SKAP1: variants seen among roughly 807,000 people sequenced by gnomAD.
SKAP1 encodes src kinase-associated phosphoprotein 1.
Under a neutral mutation model 58.5 loss-of-function variants are expected in SKAP1, and 44 were observed. The observed-to-expected ratio is 0.75, with a 90% CI of 0.59 to 0.97. SKAP1 has a LOEUF of 0.97. Ranked by LOEUF, SKAP1 falls within the 50% of genes least tolerant of loss-of-function variation. The probability of loss-of-function intolerance (pLI) is 0.00; values close to 1 mark genes in which losing one functional copy is unlikely to be tolerated. For missense variants in SKAP1, 390 were observed against 435.2 expected, an observed-to-expected ratio of 0.90 and a Z score of 0.92; for synonymous variants, 127 against 149.7, an observed-to-expected ratio of 0.85 and a Z score of 1.11.
At chr17:48,310,120 A>G (rs2066203490) in intron 4 of SKAP1, among the ~76,000 whole-genome samples, 1 of 152,212 alleles carries the variant, frequency 6.6e-6, no homozygotes, top group African/African-American at 2.4e-5. Context: ...CTTTCACTAT[A>G]TTCTTAGCAA....
chr17:48,269,383 C>G (rs2065597952), intron 4 of SKAP1, among the ~76,000 whole-genome samples: 1 of 152,008 alleles, frequency 6.6e-6, no homozygotes, highest in Non-Finnish European at 1.5e-5. Flanking sequence ...TACTAGTCCA[C>G]TAGATACACT....
intron 4 of SKAP1, among the ~76,000 whole-genome samples, chr17:48,225,906 C>A (rs986283555): frequency 6.6e-6 from 1 of 152,190 alleles, no homozygotes; most frequent in Non-Finnish European, 1.5e-5. Flanking sequence ...AACGATTCAT[C>A]ATGCCAGGAG....
At chr17:48,273,137 G>T (rs1184421463) in intron 4 of SKAP1, among the ~76,000 whole-genome samples, 1 of 152,000 alleles carries the variant, frequency 6.6e-6, no homozygotes, top group African/African-American at 2.4e-5. Flanking sequence ...TCACTTTCCT[G>T]CCTAATCAGC....
At chr17:48,246,330 C>T (rs911935293) in intron 4 of SKAP1, among the ~76,000 whole-genome samples, 6 of 152,114 alleles carry the variant, frequency 3.9e-5, no homozygotes, top group Non-Finnish European at 7.4e-5. Flanking sequence ...CTTGTTAGAC[C>T]GGACTATTTG....
At chr17:48,165,890 CTAAT>C (rs1163521414) in intron 10 of SKAP1, among the ~76,000 whole-genome samples, 1 of 152,162 alleles carries the variant, frequency 6.6e-6, no homozygotes, top group Non-Finnish European at 1.5e-5. Context: ...ATTATTCCAT[CTAAT>C]TATTTTTTTT....
At chr17:48,231,014 T>C (rs893339824) in intron 4 of SKAP1, among the ~76,000 whole-genome samples, 1 of 152,190 alleles carries the variant, frequency 6.6e-6, no homozygotes, top group Admixed American at 6.5e-5. Flanking sequence ...GAAAGAAGGC[T>C]GTGGGCATTT....
chr17:48,420,047 T>C (rs1474656919), intron 1 of SKAP1, among the ~76,000 whole-genome samples: 1 of 152,166 alleles, frequency 6.6e-6, no homozygotes, highest in East Asian at 1.9e-4. Flanking sequence ...CCATCTGTTA[T>C]AATCACCTAA....
intron 4 of SKAP1, among the ~76,000 whole-genome samples, chr17:48,292,132 C>CAAAAAA (rs67360130): frequency 1.6e-5 from 2 of 121,542 alleles, no homozygotes; most frequent in Non-Finnish European, 3.5e-5. Flanking sequence ...TTAGCCTATT[C>CAAAAAA]AAAAAAAAAA....
chr17:48,213,565 T>C (rs909780584), intron 4 of SKAP1, among the ~76,000 whole-genome samples: 1 of 152,164 alleles, frequency 6.6e-6, no homozygotes, highest in Non-Finnish European at 1.5e-5. Flanking sequence ...AGAAAGCTAG[T>C]GTGGCAAGAA....
At chr17:48,184,961 C>A (rs545352260) in intron 6 of SKAP1, 114 bp from the exon 7 acceptor site, 53 of 992,830 alleles carry the variant, frequency 5.3e-5, no homozygotes, top group Non-Finnish European at 7.7e-5. Flanking sequence ...CCCTGAGGAA[C>A]CACAATAGTC....
chr17:48,229,622 A>AAAAT lies in SKAP1; in HGVS notation c.281-40126_281-40123dup, dbSNP rs1398506959. ...GGTGACAGAGTGAGACTCTGTCTCA[A>AAAAT]AAATAAATAAATAAATAAAATATAC... On this transcript the variant is annotated intron_variant, in intron 4 of 12. Coordinates refer to ENST00000336915, the MANE Select transcript of SKAP1 (RefSeq NM_003726.4). Among the ~76,000 whole-genome samples the AAAAT allele has an allele frequency of 2.0e-5, 3 of 152,238 alleles. No homozygotes were observed. In the East Asian group the frequency reaches 5.8e-4, roughly 29 times the overall value.
chr17:48,218,700 T>A (rs2064968984), intron 4 of SKAP1, among the ~76,000 whole-genome samples: 1 of 152,232 alleles, frequency 6.6e-6, no homozygotes, highest in Non-Finnish European at 1.5e-5. Flanking sequence ...TTATTGTGAC[T>A]TTGTGTCAAA....
rs373612611 is a variant in SKAP1, at chr17:48,239,378, C to T, written c.281-49878G>A. The stretch of plus-strand genomic sequence containing the variant: ...GGCGAACATCAGCCTGGCAGTAAAT[C>T]GGAATCCTCTCTGTGCCCTCTTTAT... On this transcript the variant is annotated intron_variant, in intron 4 of 12. Transcript: ENST00000336915. 5.9e-5 allele frequency among the ~76,000 whole-genome samples: 9 copies of T among 152,280 alleles called. No homozygotes were observed. In the East Asian group the frequency reaches 1.3e-3, roughly 23 times the overall value.
intron 4 of SKAP1, among the ~76,000 whole-genome samples, chr17:48,292,132 C>CAAAAA (rs67360130): frequency 5.8e-5 from 7 of 121,476 alleles, no homozygotes; most frequent in East Asian, 2.4e-4. Flanking sequence ...TTAGCCTATT[C>CAAAAA]AAAAAAAAAA....
At chr17:48,143,411 A>C (rs2063792292) in intron 11 of SKAP1, among the ~76,000 whole-genome samples, 1 of 151,132 alleles carries the variant, frequency 6.6e-6, no homozygotes, top group Admixed American at 6.6e-5. Flanking sequence ...AGAGTTTTGC[A>C]ATGTTGCCTA....
At chr17:48,323,617 A>G (rs1183313629) in intron 4 of SKAP1, among the ~76,000 whole-genome samples, 1 of 152,158 alleles carries the variant, frequency 6.6e-6, no homozygotes, top group East Asian at 1.9e-4. Flanking sequence ...CTAAGAATAA[A>G]TGCATTTGTT....
intron 4 of SKAP1, among the ~76,000 whole-genome samples, chr17:48,223,666 A>G (rs145275075): frequency 1.0e-3 from 158 of 152,294 alleles, no homozygotes; most frequent in African/African-American, 3.5e-3. Context: ...GAACTATCAC[A>G]TGCATTTGAA....
At chr17:48,375,794 CTTTG>C (rs1054688330) in intron 2 of SKAP1, among the ~76,000 whole-genome samples, 17 of 143,656 alleles carry the variant, frequency 1.2e-4, no homozygotes, top group South Asian at 4.1e-4. Flanking sequence ...AGGTCTGTTT[CTTTG>C]TTTGTTTGTT....
intron 4 of SKAP1, among the ~76,000 whole-genome samples, chr17:48,303,389 A>G (rs1260510075): frequency 6.6e-6 from 1 of 152,214 alleles, no homozygotes; most frequent in Non-Finnish European, 1.5e-5. Context: ...CAAATAAACT[A>G]TGAATAGTCT....
Sources: gnomAD v4.1 joint callset for allele counts (sites outside exome capture counted in the v4.1 genomes callset) on GRCh38, gnomAD v4.1.1 for gene constraint, MANE v1.5 for transcripts, NCBI Gene and HGNC (gene_info 2026-07-23, HGNC 2026-07-21) for gene names.